Variants in KIAA1217 observed in about 807,000 individuals in gnomAD.
The protein encoded by KIAA1217 is sickle tail protein homolog.
KIAA1217 carries 88 observed loss-of-function variants against 163.9 expected under a neutral mutation model. The observed-to-expected ratio is 0.54, with a 90% CI of 0.45 to 0.64. KIAA1217 has a LOEUF of 0.64. KIAA1217 is among the 30% of genes least tolerant of loss of function. The probability of loss-of-function intolerance (pLI) is 0.00; values close to 1 mark genes in which losing one functional copy is unlikely to be tolerated. For missense variants in KIAA1217, 2,372 were observed against 2,475.0 expected, an observed-to-expected ratio of 0.96 and a Z score of 0.88; for synonymous variants, 903 against 923.1, an observed-to-expected ratio of 0.98 and a Z score of 0.39.
intron 2 of KIAA1217, among the ~76,000 whole-genome samples, chr10:24,261,665 G>C (rs1005659944): frequency 6.6e-5 from 10 of 152,090 alleles, no homozygotes; most frequent in African/African-American, 2.2e-4. Context: ...ACCCTCCATG[G>C]GGGCATGTGG....
chr10:23,894,545 T>C (rs1723014738), intron 1 of KIAA1217, among the ~76,000 whole-genome samples: 1 of 150,484 alleles, frequency 6.6e-6, no homozygotes, highest in Non-Finnish European at 1.5e-5. Context: ...GAATCAATAT[T>C]GTGAAAATGG....
chr10:24,483,803 G>A (rs2065004727), intron 6 of KIAA1217, among the ~76,000 whole-genome samples: 1 of 152,154 alleles, frequency 6.6e-6, no homozygotes, highest in South Asian at 2.1e-4. Flanking sequence ...GAACACAAAT[G>A]TTCCAGATTA....
chr10:24,140,052 C>A (rs1187420271), intron 2 of KIAA1217, among the ~76,000 whole-genome samples: 1 of 151,692 alleles, frequency 6.6e-6, no homozygotes, highest in Non-Finnish European at 1.5e-5. Flanking sequence ...CGCCTTTTCA[C>A]CTAAAGAAAT....
At chr10:23,862,358 G>A (rs1026679275) in intron 1 of KIAA1217, among the ~76,000 whole-genome samples, 5 of 152,048 alleles carry the variant, frequency 3.3e-5, no homozygotes, top group Admixed American at 6.6e-5. Flanking sequence ...ATAAAGAATT[G>A]GAGGTCAAAA....
intron 5 of KIAA1217, among the ~76,000 whole-genome samples, chr10:24,468,746 A>G (rs74506538): frequency 0.012 from 1,797 of 152,306 alleles, 31 homozygotes; most frequent in African/African-American, 0.038. Context: ...TCCATGCCAT[A>G]CTGGATATTA....
At chr10:24,109,155 C>T (rs1589529064) in intron 2 of KIAA1217, among the ~76,000 whole-genome samples, 1 of 152,270 alleles carries the variant, frequency 6.6e-6, no homozygotes, top group East Asian at 1.9e-4. Flanking sequence ...TTGAATTTCA[C>T]TTTATTTGTC....
At chr10:23,770,217 C>T (rs550140290) in intron 1 of KIAA1217, among the ~76,000 whole-genome samples, 2 of 152,292 alleles carry the variant, frequency 1.3e-5, no homozygotes, top group South Asian at 4.1e-4. Context: ...ACATGGCCAT[C>T]TTTTTCACTG....
chr10:24,098,491 G>T (rs1265307703), intron 2 of KIAA1217, among the ~76,000 whole-genome samples: 4 of 152,198 alleles, frequency 2.6e-5, no homozygotes, highest in African/African-American at 9.6e-5. Flanking sequence ...GTGGAGAAGG[G>T]TCTACTCAGC....
intron 1 of KIAA1217, among the ~76,000 whole-genome samples, chr10:24,209,644 A>C (rs1007563182): frequency 6.6e-6 from 1 of 152,214 alleles, no homozygotes; most frequent in Non-Finnish European, 1.5e-5. Flanking sequence ...CTAGGACCGC[A>C]GCTTCCATTC....
intron 1 of KIAA1217, among the ~76,000 whole-genome samples, chr10:23,914,035 G>A (rs1267689404): frequency 6.6e-6 from 1 of 152,118 alleles, no homozygotes; most frequent in Non-Finnish European, 1.5e-5. Context: ...GGGAGAAAGG[G>A]ACCCAGCCTT....
At chr10:23,920,622 C>T (rs900929380) in intron 1 of KIAA1217, among the ~76,000 whole-genome samples, 1 of 152,178 alleles carries the variant, frequency 6.6e-6, no homozygotes, top group Non-Finnish European at 1.5e-5. Flanking sequence ...CTTAAATCCC[C>T]TCTGCCACAC....
At chr10:24,133,307 T>C (rs1006191216) in intron 2 of KIAA1217, among the ~76,000 whole-genome samples, 2 of 152,158 alleles carry the variant, frequency 1.3e-5, no homozygotes, top group African/African-American at 2.4e-5. Context: ...GCACGGTGTC[T>C]CATGCTATAA....
chr10:24,200,548 C>A (rs1472913545), intron 2 of KIAA1217, among the ~76,000 whole-genome samples: 1 of 152,180 alleles, frequency 6.6e-6, no homozygotes, highest in Admixed American at 6.5e-5. Flanking sequence ...TCTGGGGTGA[C>A]CAACTCAACC....
intron 2 of KIAA1217, among the ~76,000 whole-genome samples, chr10:24,036,764 C>T (rs1564625939): frequency 6.6e-6 from 1 of 152,152 alleles, no homozygotes; most frequent in Non-Finnish European, 1.5e-5. Context: ...GCACTCATTA[C>T]CACGAGGACC....
chr10:24,256,481 C>G (rs1388225156), intron 2 of KIAA1217, among the ~76,000 whole-genome samples: 2 of 152,126 alleles, frequency 1.3e-5, no homozygotes, highest in Non-Finnish European at 2.9e-5. Context: ...TATCTGATGC[C>G]TCATTCCATG....
intron 2 of KIAA1217, among the ~76,000 whole-genome samples, chr10:24,014,186 T>C (rs1182187953): frequency 6.6e-6 from 1 of 152,108 alleles, no homozygotes; most frequent in African/African-American, 2.4e-5. Context: ...CATTTTGATT[T>C]TGGATAAATA....
At chr10:23,915,583 C>T (rs1842604077) in intron 1 of KIAA1217, among the ~76,000 whole-genome samples, 1 of 152,120 alleles carries the variant, frequency 6.6e-6, no homozygotes, top group Admixed American at 6.5e-5. Flanking sequence ...ATACCATGTG[C>T]ATGCTAGGGA....
chr10:24,356,590 A>G (rs530465578), intron 2 of KIAA1217, among the ~76,000 whole-genome samples: 24 of 152,346 alleles, frequency 1.6e-4, no homozygotes, highest in Admixed American at 4.6e-4. Flanking sequence ...GTTGGGACCT[A>G]TAAGAGGTGA....
At chr10:24,132,123 T>C (rs1028860572) in intron 2 of KIAA1217, among the ~76,000 whole-genome samples, 3 of 152,154 alleles carry the variant, frequency 2.0e-5, no homozygotes, top group African/African-American at 7.2e-5. Flanking sequence ...TGGTAGAAAA[T>C]CACGAAGGAC....
Sources: allele counts gnomAD v4.1 joint callset (sites outside exome capture counted in the v4.1 genomes callset), GRCh38; gene constraint gnomAD v4.1.1; transcripts MANE v1.5; gene names NCBI Gene and HGNC (gene_info 2026-07-23, HGNC 2026-07-21).